CCSER1: variants seen among roughly 807,000 people sequenced by gnomAD.
CCSER1 encodes the protein serine-rich coiled-coil domain-containing protein 1.
A neutral mutation model predicts 82.0 loss-of-function variants in CCSER1; 41 were observed. The observed-to-expected ratio is 0.50, with a 90% CI of 0.39 to 0.65. The LOEUF (loss-of-function observed/expected upper bound fraction) is 0.65. Among genes scored for constraint, CCSER1 ranks in the 30% least tolerant of loss-of-function variants. The pLI is 0.00. For missense variants in CCSER1, 1,119 were observed against 1,064.2 expected (o/e 1.05, Z -0.72); for synonymous variants, 414 against 383.9 (o/e 1.08, Z -0.92).
rs78288510 is a variant in CCSER1 at position 91,169,836 on chromosome 4, A to G, written c.2217+83842A>G. Among the ~76,000 whole-genome samples the G allele has an allele frequency of 8.5e-3, 1,297 of 152,246 alleles. 11 individuals are homozygous for G. Among genetic ancestry groups the G allele is most frequent in the African/African-American group, 0.03 (1,231 of 41,554 alleles). On this transcript the variant is annotated intron_variant, in intron 10 of 10. Transcript: ENST00000509176. ...AGTTGGTCCTGTGGCAGAAACTGCT[A>G]GTTGCCTATCCCATTTTCTTGCATG...
intron 10 of CCSER1, among the ~76,000 whole-genome samples, chr4:91,451,611 G>A (rs544371511): frequency 6.6e-6 from 1 of 151,952 alleles, no homozygotes; most frequent in African/African-American, 2.4e-5. Context: ...AAGAGCCACT[G>A]TATTCTCCAA....
intron 8 of CCSER1, among the ~76,000 whole-genome samples, chr4:90,829,899 A>G (rs562190054): frequency 2.2e-4 from 34 of 152,138 alleles, no homozygotes; most frequent in Non-Finnish European, 4.1e-4. Context: ...ATGCATGCCT[A>G]TCTGAGGCTT....
At chr4:91,342,975 T>C (rs1160073705) in intron 10 of CCSER1, among the ~76,000 whole-genome samples, 1 of 152,116 alleles carries the variant, frequency 6.6e-6, no homozygotes, top group Non-Finnish European at 1.5e-5. Context: ...TTTTTATATG[T>C]AAGCAAATAA....
In CCSER1 at chr4:90,848,019, C is replaced by CA. The variant is rs1393135615; in HGVS notation, c.2094+32175dup. On this transcript the variant is annotated intron_variant, in intron 8 of 10. Transcript: ENST00000509176. ...ATAATTAGATAAGACTGATGTTTCT[C>CA]ATTTTGATTATCAGGAAGGTTTGTT... Among the ~76,000 whole-genome samples the CA allele has an allele frequency of 2.6e-5, 4 of 152,122 alleles. No individual in the cohort carries two copies. In the South Asian group the frequency reaches 8.3e-4, roughly 31 times the overall value.
intron 1 of CCSER1, among the ~76,000 whole-genome samples, chr4:90,237,814 A>G (rs1746074580): frequency 6.6e-6 from 1 of 152,204 alleles, no homozygotes; most frequent in African/African-American, 2.4e-5. Flanking sequence ...TTACTGAAAG[A>G]CTACTACCAT....
chr4:90,611,717 G>T (rs1254180360), intron 5 of CCSER1, among the ~76,000 whole-genome samples: 1 of 147,444 alleles, frequency 6.8e-6, no homozygotes, highest in Non-Finnish European at 1.5e-5. Context: ...GGATGAACAG[G>T]ATATAATATA....
chr4:91,552,792 T>A (rs7699913), intron 10 of CCSER1, among the ~76,000 whole-genome samples: 10,659 of 151,612 alleles, frequency 0.07, 663 homozygotes, highest in South Asian at 0.16. Context: ...GGTCTTAGGA[T>A]TTTCTATATA....
intron 4 of CCSER1, among the ~76,000 whole-genome samples, chr4:90,416,056 C>T (rs2153558317): frequency 6.6e-6 from 1 of 152,170 alleles, no homozygotes; most frequent in African/African-American, 2.4e-5. Context: ...TACAAACTTT[C>T]AGTTGTAAGA....
chr4:91,303,125 A>G (rs573496844), intron 10 of CCSER1, among the ~76,000 whole-genome samples: 6 of 152,134 alleles, frequency 3.9e-5, no homozygotes, highest in African/African-American at 1.4e-4. Flanking sequence ...ACATAAAATG[A>G]TCCCAGTAGT....
chr4:90,651,090 A>G (rs986450147), intron 6 of CCSER1, among the ~76,000 whole-genome samples: 3 of 150,728 alleles, frequency 2.0e-5, no homozygotes, highest in African/African-American at 7.3e-5. Context: ...CTACAGATAG[A>G]GAGAAAGAGA....
At chr4:90,143,931 C>T (rs1405639748) in intron 1 of CCSER1, among the ~76,000 whole-genome samples, 2 of 152,210 alleles carry the variant, frequency 1.3e-5, no homozygotes, top group African/African-American at 2.4e-5. Flanking sequence ...CTCAAGCAGT[C>T]CTCCCACCTC....
chr4:90,605,010 C>G (rs1049078863), intron 5 of CCSER1, among the ~76,000 whole-genome samples: 2 of 106,854 alleles, frequency 1.9e-5, no homozygotes, highest in Admixed American at 1.6e-4. Context: ...TCCGCTTCCA[C>G]GTGTGGGAGG....
chr4:91,283,261 T>C (rs925205508), intron 10 of CCSER1, among the ~76,000 whole-genome samples: 28 of 152,250 alleles, frequency 1.8e-4, no homozygotes, highest in African/African-American at 6.7e-4. Context: ...TCATACACAA[T>C]TAATATTTTC....
At chr4:90,765,958 G>T (rs555119580) in intron 7 of CCSER1, among the ~76,000 whole-genome samples, 1 of 152,228 alleles carries the variant, frequency 6.6e-6, no homozygotes, top group African/African-American at 2.4e-5. Flanking sequence ...AGAAATTTAT[G>T]ACTGTCAGCT....
At chr4:90,616,738 C>CACACAAATA (rs1387107494) in intron 5 of CCSER1, among the ~76,000 whole-genome samples, 2 of 57,760 alleles carry the variant, frequency 3.5e-5, no homozygotes, top group Admixed American at 1.6e-4. Context: ...CACACACACA[C>CACACAAATA]AAATAAAATA....
chr4:90,297,749 A>G (rs1732259472), intron 1 of CCSER1, among the ~76,000 whole-genome samples: 1 of 152,166 alleles, frequency 6.6e-6, no homozygotes, highest in African/African-American at 2.4e-5. Flanking sequence ...CTATTGAGAA[A>G]ATCATGTGGT....
intron 9 of CCSER1, among the ~76,000 whole-genome samples, chr4:91,058,702 C>T (rs1019149682): frequency 1.1e-4 from 17 of 152,022 alleles, no homozygotes; most frequent in Non-Finnish European, 1.5e-4. Context: ...CCCTCCTTGA[C>T]TCAAGGCCTT....
chr4:90,180,324 C>T (rs1733499488), intron 1 of CCSER1, among the ~76,000 whole-genome samples: 1 of 152,010 alleles, frequency 6.6e-6, no homozygotes, highest in African/African-American at 2.4e-5. Context: ...TGCGGTGCCT[C>T]ACGCCCATAA....
At chr4:90,864,918 A>C (rs1050567743) in intron 8 of CCSER1, among the ~76,000 whole-genome samples, 1 of 152,000 alleles carries the variant, frequency 6.6e-6, no homozygotes, top group African/African-American at 2.4e-5. Context: ...TTACATTTCT[A>C]TGACTGCTGG....
Sources: gnomAD v4.1 joint callset for allele counts (sites outside exome capture counted in the v4.1 genomes callset) on GRCh38, gnomAD v4.1.1 for gene constraint, MANE v1.5 for transcripts, NCBI Gene and HGNC (gene_info 2026-07-23, HGNC 2026-07-21) for gene names.